SLC19A1: variants seen among roughly 807,000 people sequenced by gnomAD.
The protein encoded by SLC19A1 is solute carrier family 19 member 1.
A neutral mutation model predicts 35.3 loss-of-function variants in SLC19A1; 37 were observed. That is an observed-to-expected ratio of 1.05 (90% CI 0.81 to 1.38). SLC19A1 has a LOEUF of 1.38. Ranked by LOEUF, SLC19A1 falls within the 40% of genes most tolerant of loss-of-function variation. The probability of loss-of-function intolerance (pLI) is 0.00; values close to 1 mark genes in which losing one functional copy is unlikely to be tolerated. For missense variants in SLC19A1, 831 were observed against 826.9 expected (o/e 1.00, Z -0.06); for synonymous variants, 460 against 398.5 (o/e 1.15, Z -1.84).
upstream of SLC19A1, among the ~76,000 whole-genome samples, chr21:45,545,554 G>A (rs188433986): frequency 3.2e-4 from 49 of 152,132 alleles, no homozygotes; most frequent in African/African-American, 1.1e-3. Flanking sequence ...CCCAGTCTCT[G>A]TGTTCCTTTA....
rs1320409027 is a variant in SLC19A1 at position 45,515,000 on chromosome 21, A to G, written c.*658T>C. ...GTCAGGATGGACACACTTCAGAAGG[A>G]CAGACAGGACCATGGAGGGCTGCCC... On this transcript the variant is annotated 3_prime_UTR_variant, in exon 6 of 6. Transcript: ENST00000311124. 6.6e-7 allele frequency: 1 copy of G among 1,523,774 alleles called. No homozygotes were observed. The highest frequency in any genetic ancestry group is 2.4e-5 in the Admixed American group (1 of 42,066). The allele number at this position is 1,523,774 out of a possible 1,614,324, so 94.4% of individuals were successfully genotyped here.
At chr21:45,538,898 G>A (rs557483417) in intron 1 of SLC19A1, among the ~76,000 whole-genome samples, 48 of 152,266 alleles carry the variant, frequency 3.2e-4, no homozygotes, top group South Asian at 6.2e-4. Flanking sequence ...CGCCCCACAC[G>A]GCCAGGGCAC....
Position 45,512,741 on chromosome 21 carries a change from G to A in SLC19A1, c.*2917C>T, listed in dbSNP as rs544226767. On this transcript the variant is annotated 3_prime_UTR_variant, in exon 6 of 6. Coordinates refer to ENST00000311124, the MANE Select transcript of SLC19A1 (RefSeq NM_194255.4). ...CCAGGATTTCCTGCTTTGGGAAGCC[G>A]TGCTCGCCCCAGCAGGTGCTGACTT... The A allele has an allele frequency of 2.3e-4, 89 of 389,422 alleles. No individual in the cohort carries two copies. Among genetic ancestry groups the A allele is most frequent in the African/African-American group, 1.6e-3 (79 of 48,610 alleles). The allele number at this position is 389,422 out of a possible 1,614,324, so 24.1% of individuals were successfully genotyped here.
rs775023459 is a variant in SLC19A1 at position 45,530,336 on chromosome 21, T to A, written c.1151+434A>T. ...TTCATGAGTGTGTGGTGAGTGTCCA[T>A]CTGTGCGCATGTGGTGTGTTCATGA... On this transcript the variant is annotated intron_variant, in intron 4 of 5. Coordinates refer to ENST00000311124, the MANE Select transcript of SLC19A1 (RefSeq NM_194255.4). This position sits in a 1 kb window ranked among gnomAD's most constrained non-coding sequence, Gnocchi z 5.3. Among the ~76,000 whole-genome samples, 2 of 117,110 alleles carry A rather than the reference T, an allele frequency of 1.7e-5. No individual in the cohort carries two copies. Among genetic ancestry groups the A allele is most frequent in the African/African-American group, 3.1e-5 (1 of 32,164 alleles). The allele number at this position is 117,110 out of a possible 152,430, so 76.8% of individuals were successfully genotyped here.
intron 4 of SLC19A1, among the ~76,000 whole-genome samples, chr21:45,527,024 A>C (rs1427955741): frequency 6.6e-6 from 1 of 152,260 alleles, no homozygotes; most frequent in East Asian, 1.9e-4. Flanking sequence ...CATCAAGAGA[A>C]CCTCTGGGCA....
rs2078338944 is a variant in SLC19A1 at position 45,542,376 on chromosome 21, C to T, written c.-58G>A. 6.6e-6 allele frequency: 1 copy of T among 151,638 alleles called. No homozygotes were observed. Among genetic ancestry groups the T allele is most frequent in the Admixed American group, 6.6e-5 (1 of 15,234 alleles). The allele number at this position is 151,638 out of a possible 1,614,324, so 9.4% of individuals were successfully genotyped here. ...CCGTTCCCCACCGGTACCTGCGACT[C>T]GGCGGGGCGGCTGCCCTGGGGCTCC... On this transcript the variant is annotated 5_prime_UTR_variant, in exon 1 of 6. Transcript: ENST00000311124.
upstream of SLC19A1, among the ~76,000 whole-genome samples, chr21:45,546,026 G>A (rs971705817): frequency 7.9e-5 from 12 of 152,160 alleles, no homozygotes; most frequent in Admixed American, 3.9e-4. Context: ...CACTCCCAGC[G>A]GCCAGGGGTA....
At chr21:45,558,813 CTTT>C (rs11363347) in intron 1 of SLC19A1, among the ~76,000 whole-genome samples, 7 of 144,032 alleles carry the variant, frequency 4.9e-5, no homozygotes, top group Non-Finnish European at 4.6e-5. Context: ...TTTCTTTTTT[CTTT>C]TTTTTTTTTT....
downstream of SLC19A1, chr21:45,510,381 C>T (rs545461678): frequency 7.2e-5 from 86 of 1,193,942 alleles, no homozygotes; most frequent in African/African-American, 7.4e-4. Flanking sequence ...CAGACACTGG[C>T]GCCTAGGCTG....
At chr21:45,507,854 C>T (rs185987207), downstream of SLC19A1, among the ~76,000 whole-genome samples, 190 of 152,330 alleles carry the variant, frequency 1.2e-3, no homozygotes, top group African/African-American at 4.3e-3. Context: ...TTGTGTCTGC[C>T]GCTCATTGCC....
intron 5 of SLC19A1, among the ~76,000 whole-genome samples, chr21:45,523,957 C>T (rs954511394): frequency 6.6e-6 from 1 of 152,206 alleles, no homozygotes; most frequent in South Asian, 2.1e-4. Context: ...GCCTTCTGGG[C>T]CCCCTTTCTG....
chr21:45,509,540 A>G (rs1436461236), downstream of SLC19A1: 2 of 1,538,306 alleles, frequency 1.3e-6, no homozygotes, highest in East Asian at 4.8e-5. Context: ...TCCTACGTGC[A>G]CCTGCGGCCG....
At chr21:45,548,183 A>G (rs887690268), upstream of SLC19A1, among the ~76,000 whole-genome samples, 1 of 152,218 alleles carries the variant, frequency 6.6e-6, no homozygotes, top group African/African-American at 2.4e-5. Flanking sequence ...TGGTCTCTAG[A>G]TCACATAGTT....
At position 45,533,081 on chromosome 21, in the gene SLC19A1, G is replaced by A. The variant is rs1325306879; in HGVS notation, c.190-933C>T. Among the ~76,000 whole-genome samples, 1 of 152,210 alleles carries A rather than the reference G, an allele frequency of 6.6e-6. No homozygotes were observed. Among genetic ancestry groups the A allele is most frequent in the East Asian group, 1.9e-4 (1 of 5,188 alleles). ...CCAGACTCCAACCCAGGAGCAGGGAGGGGGGCAAACGCCCCTGTAGCCGCC... is the reference window on the plus strand; with the variant it reads ...CCAGACTCCAACCCAGGAGCAGGGAAGGGGGCAAACGCCCCTGTAGCCGCC... On this transcript the variant is annotated intron_variant, in intron 2 of 5. Transcript: ENST00000311124. This position sits in a 1 kb window ranked among gnomAD's most constrained non-coding sequence, Gnocchi z 4.5.
chr21:45,532,294 A>G, intron 2 of SLC19A1, 146 bp from the exon 3 acceptor site: 4 of 656,526 alleles, frequency 6.1e-6, no homozygotes, highest in South Asian at 1.9e-5. Flanking sequence ...CCCCTGTCCC[A>G]TGTCCCACTG....
At chr21:45,504,146 GC>G in intron 3 of SLC19A1, 3 of 1,440,752 alleles carry the variant, frequency 2.1e-6, no homozygotes, top group Non-Finnish European at 2.0e-6. Context: ...TCCGGCCCAA[GC>G]CCCCTTCCTG....
At chr21:45,518,889 CAGAA>C (rs1464981099) in intron 5 of SLC19A1, among the ~76,000 whole-genome samples, 3 of 152,004 alleles carry the variant, frequency 2.0e-5, no homozygotes, top group African/African-American at 7.3e-5. Flanking sequence ...GTTCTCTAAA[CAGAA>C]AGGAAATTAC....
chr21:45,555,759 C>T (rs1343410020), intron 1 of SLC19A1, among the ~76,000 whole-genome samples: 3 of 152,062 alleles, frequency 2.0e-5, no homozygotes, highest in African/African-American at 7.2e-5. Flanking sequence ...AGAAAGCGAC[C>T]CACGCAGAGT....
At chr21:45,509,643 T>A (rs766108717), downstream of SLC19A1, 2 of 1,027,472 alleles carry the variant, frequency 1.9e-6, no homozygotes, top group South Asian at 1.3e-5. Context: ...ATCTAGCCCC[T>A]CGGCTCTCGG....
Sources: allele counts gnomAD v4.1 joint callset (sites outside exome capture counted in the v4.1 genomes callset), GRCh38; gene constraint gnomAD v4.1.1; non-coding constraint Gnocchi (gnomAD v3.1); transcripts MANE v1.5; gene names NCBI Gene and HGNC (gene_info 2026-07-23, HGNC 2026-07-21).